Variants in PLCZ1 observed in about 807,000 individuals in gnomAD.
The protein encoded by PLCZ1 is 1-phosphatidylinositol 4,5-bisphosphate phosphodiesterase zeta-1.
Under a neutral mutation model 76.8 loss-of-function variants are expected in PLCZ1, and 64 were observed. That is an observed-to-expected ratio of 0.83 (90% CI 0.68 to 1.03). The LOEUF (loss-of-function observed/expected upper bound fraction) is 1.03. PLCZ1 is among the 50% of genes least tolerant of loss of function. The probability of loss-of-function intolerance (pLI) is 0.00; values close to 1 mark genes in which losing one functional copy is unlikely to be tolerated. For synonymous variants in PLCZ1, 248 were observed against 230.8 expected, an observed-to-expected ratio of 1.07 and a Z score of -0.68; for missense variants, 751 against 713.7, an observed-to-expected ratio of 1.05 and a Z score of -0.60.
chr12:18,664,759 A>G, the PLCZ1 span, among the ~76,000 whole-genome samples: 11 of 151,800 alleles, frequency 7.2e-5, no homozygotes, highest in African/African-American at 2.7e-4. Context: ...AACCAATCCA[A>G]ATGTCCAACA....
At chr12:18,651,129 T>C in the PLCZ1 span, among the ~76,000 whole-genome samples, 1 of 152,052 alleles carries the variant, frequency 6.6e-6, no homozygotes. Context: ...CCTATGCTTA[T>C]AACATTCAAT....
the PLCZ1 span, among the ~76,000 whole-genome samples, chr12:18,662,210 C>T: frequency 2.6e-5 from 4 of 152,006 alleles, no homozygotes; most frequent in African/African-American, 9.7e-5. Context: ...ATAGCATAGG[C>T]ACTATGCTCA....
At chr12:18,720,858 CCA>C (rs1958399139) in intron 4 of PLCZ1, among the ~76,000 whole-genome samples, 1 of 151,556 alleles carries the variant, frequency 6.6e-6, no homozygotes, top group Non-Finnish European at 1.5e-5. Context: ...TACTAAGCAG[CCA>C]TTAAGAATAA....
intron 6 of PLCZ1, among the ~76,000 whole-genome samples, chr12:18,707,858 C>G (rs1312726195): frequency 6.6e-6 from 1 of 152,082 alleles, no homozygotes; most frequent in Non-Finnish European, 1.5e-5. Flanking sequence ...ACTTCTTGCT[C>G]TTTTGGGTGT....
chr12:18,706,052 C>G (rs1242242953), intron 6 of PLCZ1, among the ~76,000 whole-genome samples: 1 of 151,846 alleles, frequency 6.6e-6, no homozygotes, highest in Non-Finnish European at 1.5e-5. Context: ...CATGGCGAAA[C>G]CCCATCTCTA....
intron 3 of PLCZ1, among the ~76,000 whole-genome samples, chr12:18,727,358 A>C (rs1958813552): frequency 6.6e-6 from 1 of 151,980 alleles, no homozygotes; most frequent in African/African-American, 2.4e-5. Flanking sequence ...TAATTTTTTT[A>C]ACATTTTAAA....
Position 18,713,065 on chromosome 12 carries a change from A to G in PLCZ1, c.570-79T>C. 6 of 1,551,886 alleles carry G rather than the reference A, an allele frequency of 3.9e-6. No homozygotes were observed. The South Asian group carries it at 6.9e-5, about 18-fold the overall frequency. ...ACCAAAGTATTAAAATATTCCAAAG[A>G]CCATTTGATTTTATAATAAATGCAT... On this transcript the variant is annotated intron_variant, in intron 5 of 14. Transcript: ENST00000266505.
chr12:18,662,302 C>G, the PLCZ1 span, among the ~76,000 whole-genome samples: 60,307 of 148,556 alleles, frequency 0.41, 14,153 homozygotes, highest in South Asian at 0.6. Context: ...ACATGTACCT[C>G]TAAACATAAA....
intron 3 of PLCZ1, among the ~76,000 whole-genome samples, chr12:18,732,084 C>G (rs1211816024): frequency 6.6e-6 from 1 of 152,080 alleles, no homozygotes; most frequent in Non-Finnish European, 1.5e-5. Context: ...GATAAGTATA[C>G]AGCCATGAAT....
chr12:18,731,318 A>G (rs1432788043), intron 3 of PLCZ1, among the ~76,000 whole-genome samples: 1 of 152,024 alleles, frequency 6.6e-6, no homozygotes, highest in Non-Finnish European at 1.5e-5. Context: ...TGTTTCCTAT[A>G]ATAATGATGA....
At chr12:18,690,284 T>G (rs1197688380) in intron 12 of PLCZ1, among the ~76,000 whole-genome samples, 1 of 152,088 alleles carries the variant, frequency 6.6e-6, no homozygotes, top group Non-Finnish European at 1.5e-5. Context: ...AGTGCAACGG[T>G]GCGACCTCGG....
chr12:18,663,831 A>G, the PLCZ1 span, among the ~76,000 whole-genome samples: 3 of 152,166 alleles, frequency 2.0e-5, no homozygotes, highest in African/African-American at 7.2e-5. Context: ...GGAAGAAAAT[A>G]TTAGCAAATC....
chr12:18,714,396 T>C (rs1957702835), intron 5 of PLCZ1, among the ~76,000 whole-genome samples: 1 of 152,134 alleles, frequency 6.6e-6, no homozygotes, highest in African/African-American at 2.4e-5. Context: ...TAAAACATGT[T>C]TGACATAAAC....
At chr12:18,657,285 G>T in the PLCZ1 span, among the ~76,000 whole-genome samples, 2 of 152,122 alleles carry the variant, frequency 1.3e-5, no homozygotes, top group East Asian at 3.9e-4. Flanking sequence ...GGGGAATAAG[G>T]GCTCTGAAAA....
intron 5 of PLCZ1, chr12:18,713,903 T>C (rs1159070676): frequency 6.6e-6 from 1 of 152,220 alleles, no homozygotes; most frequent in Non-Finnish European, 1.5e-5. Context: ...ACCCACTGTG[T>C]TTAAATTAAT....
At chr12:18,714,153 A>T (rs1304889921) in intron 5 of PLCZ1, among the ~76,000 whole-genome samples, 2 of 152,222 alleles carry the variant, frequency 1.3e-5, no homozygotes, top group Non-Finnish European at 2.9e-5. Context: ...AAATTTATTG[A>T]TTTATGTATA....
intron 3 of PLCZ1, among the ~76,000 whole-genome samples, chr12:18,734,876 TTTATA>T (rs1163762442): frequency 6.6e-6 from 1 of 152,250 alleles, no homozygotes; most frequent in Non-Finnish European, 1.5e-5. Context: ...TTCAGTTTAT[TTTATA>T]TGATATTAGC....
At chr12:18,661,348 T>C in the PLCZ1 span, among the ~76,000 whole-genome samples, 1 of 142,088 alleles carries the variant, frequency 7.0e-6, no homozygotes, top group Non-Finnish European at 1.6e-5. Context: ...ACCAAGACAT[T>C]ATAATCCTAC....
intron 6 of PLCZ1, among the ~76,000 whole-genome samples, chr12:18,709,717 A>T (rs374843415): frequency 6.6e-6 from 1 of 151,966 alleles, no homozygotes; most frequent in Non-Finnish European, 1.5e-5. Flanking sequence ...CCACACCCCA[A>T]GGGAAAAAAA....
Sources: allele counts gnomAD v4.1 joint callset (sites outside exome capture counted in the v4.1 genomes callset), GRCh38; gene constraint gnomAD v4.1.1; transcripts MANE v1.5; gene names NCBI Gene and HGNC (gene_info 2026-07-23, HGNC 2026-07-21).